The following TRABD2B variants were observed in gnomAD, a reference collection of about 807,000 sequenced individuals.
The protein encoded by TRABD2B is TraB domain containing 2B.
TRABD2B carries 14 observed loss-of-function variants against 40.1 expected under a neutral mutation model. That is an observed-to-expected ratio of 0.35 (90% CI 0.23 to 0.55). The LOEUF is 0.55. TRABD2B is among the 20% of genes least tolerant of loss of function. TRABD2B has a pLI of 0.90. For missense variants in TRABD2B, 541 were observed against 648.6 expected (o/e 0.83, Z 1.80); for synonymous variants, 263 against 277.0 (o/e 0.95, Z 0.50).
At chr1:47,794,127 T>C (rs562266913) in intron 4 of TRABD2B, among the ~76,000 whole-genome samples, 2 of 152,328 alleles carry the variant, frequency 1.3e-5, no homozygotes, top group South Asian at 2.1e-4. Context: ...TAAGAAAGAA[T>C]TGAGTCTTTG....
intron 2 of TRABD2B, among the ~76,000 whole-genome samples, chr1:47,950,530 T>C (rs1645327364): frequency 6.6e-6 from 1 of 151,852 alleles, no homozygotes; most frequent in Admixed American, 6.6e-5. Context: ...ACAAGGGAGA[T>C]GATGAAGCTG....
Position 47,997,078 on chromosome 1 carries a change from C to T in TRABD2B, c.-289G>A. ...CTGAGGGCGTGTTGGGGTCCGGGGG[C>T]GCGCGGGGTCCCGGAGCTGCGTCGC... On this transcript the variant is annotated 5_prime_UTR_variant, in exon 1 of 7. Transcript: ENST00000606738. 1.0e-6 allele frequency: 1 copy of T among 983,970 alleles called. No individual in the cohort carries two copies. Among genetic ancestry groups the T allele is most frequent in the Non-Finnish European group, 1.2e-6 (1 of 829,216 alleles). The allele number at this position is 983,970 out of a possible 1,614,324, so 61.0% of individuals were successfully genotyped here. A position where few individuals can be genotyped will look rare whatever the true frequency, so the allele number is the denominator to read the frequency against.
chr1:47,850,726 T>A (rs538319609), intron 2 of TRABD2B, among the ~76,000 whole-genome samples: 1 of 152,250 alleles, frequency 6.6e-6, no homozygotes, highest in Non-Finnish European at 1.5e-5. Flanking sequence ...AATGAATGAA[T>A]CCTGCAGGTG....
At chr1:47,824,561 A>G (rs904302276) in intron 2 of TRABD2B, among the ~76,000 whole-genome samples, 1 of 152,024 alleles carries the variant, frequency 6.6e-6, no homozygotes, top group Non-Finnish European at 1.5e-5. Context: ...TGGCACTCAA[A>G]CCCATGTCTG....
At chr1:47,791,984 G>A (rs914501354) in intron 4 of TRABD2B, among the ~76,000 whole-genome samples, 1 of 152,226 alleles carries the variant, frequency 6.6e-6, no homozygotes, top group African/African-American at 2.4e-5. Flanking sequence ...CAGCCAGGAT[G>A]AGGTGGGCAG....
At chr1:47,794,900 C>T in intron 3 of TRABD2B, 140 bp from the exon 4 acceptor site, 3 of 754,146 alleles carry the variant, frequency 4.0e-6, no homozygotes, top group Non-Finnish European at 6.1e-6. Context: ...CCTGCCTCAG[C>T]CTCCCAAATA....
Position 47,813,368 on chromosome 1 carries a change from G to A in TRABD2B, c.667-11749C>T, listed in dbSNP as rs909245349. ...CTCCAGGTGGCCAGGGATGGAAGGA[G>A]AGGAGTTGAGTCTGGGAGTGCTCAA... On this transcript the variant is annotated intron_variant, in intron 2 of 6. Coordinates refer to ENST00000606738, the MANE Select transcript of TRABD2B (RefSeq NM_001194986.2). The surrounding 1 kb of genome is among the most constrained non-coding windows in gnomAD (Gnocchi z 4.3). Among the ~76,000 whole-genome samples the A allele has an allele frequency of 6.6e-6, 1 of 152,286 alleles. No individual in the cohort carries two copies. Among genetic ancestry groups the A allele is most frequent in the East Asian group, 1.9e-4 (1 of 5,172 alleles).
chr1:47,807,109 T>C (rs2124321247), intron 2 of TRABD2B, among the ~76,000 whole-genome samples: 1 of 152,298 alleles, frequency 6.6e-6, no homozygotes, highest in Non-Finnish European at 1.5e-5. Context: ...CATAAATTAT[T>C]AGTAAAAATA....
At chr1:47,877,197 GCA>G (rs904555263) in intron 2 of TRABD2B, among the ~76,000 whole-genome samples, 2 of 151,508 alleles carry the variant, frequency 1.3e-5, no homozygotes, top group Non-Finnish European at 2.9e-5. Flanking sequence ...GTATATTTTG[GCA>G]ATGGGGCTGG....
chr1:47,960,764 A>G (rs945265220), intron 2 of TRABD2B, among the ~76,000 whole-genome samples: 1 of 152,214 alleles, frequency 6.6e-6, no homozygotes, highest in African/African-American at 2.4e-5. Context: ...AAGAATCAAT[A>G]TCGTGAAAAT....
chr1:47,973,797 A>G (rs1645715781), intron 2 of TRABD2B, among the ~76,000 whole-genome samples: 1 of 152,182 alleles, frequency 6.6e-6, no homozygotes, highest in Admixed American at 6.5e-5. Context: ...CAGGCAAAGC[A>G]ATGTTACATT....
At chr1:47,930,365 C>G (rs1645024046) in intron 2 of TRABD2B, among the ~76,000 whole-genome samples, 1 of 152,240 alleles carries the variant, frequency 6.6e-6, no homozygotes. Flanking sequence ...CTCTGGGCAT[C>G]TGGATCTGGA....
chr1:47,977,531 T>G (rs1194152118), intron 2 of TRABD2B, among the ~76,000 whole-genome samples: 1 of 152,104 alleles, frequency 6.6e-6, no homozygotes, highest in Non-Finnish European at 1.5e-5. Flanking sequence ...AGATAGGTAT[T>G]CTTATCTCCA....
At chr1:47,963,001 T>C (rs764601784) in intron 2 of TRABD2B, among the ~76,000 whole-genome samples, 13 of 152,242 alleles carry the variant, frequency 8.5e-5, no homozygotes, top group African/African-American at 1.2e-4. Flanking sequence ...TGAGTTGGAA[T>C]TGAAGCTCTA....
intron 5 of TRABD2B, among the ~76,000 whole-genome samples, chr1:47,777,753 T>C (rs915852045): frequency 6.6e-6 from 1 of 152,130 alleles, no homozygotes; most frequent in African/African-American, 2.4e-5. Flanking sequence ...AGTCTGAGGA[T>C]CCTGTCACTG....
intron 2 of TRABD2B, among the ~76,000 whole-genome samples, chr1:47,903,761 T>C (rs1460900332): frequency 6.6e-6 from 1 of 152,168 alleles, no homozygotes; most frequent in Admixed American, 6.5e-5. Context: ...TGCCTCTCAT[T>C]ACCATAAATG....
In TRABD2B at chr1:47,761,534, T is replaced by C. The variant is rs1644244059; in HGVS notation, c.*4368A>G. 6.6e-6 allele frequency: 1 copy of C among 152,236 alleles called. No homozygotes were observed. The highest frequency in any genetic ancestry group is 2.4e-5 in the African/African-American group (1 of 41,472). 9.4% of individuals were successfully genotyped at this position (152,236 alleles called of 1,614,324 possible). ...GGGAGGCTGGACTTATTCCTGAACC[T>C]TACTGGTTTAGACAGCCAGCGGGGT... is the stretch of plus-strand genomic sequence containing the variant. On this transcript the variant is annotated 3_prime_UTR_variant, in exon 7 of 7. Transcript: ENST00000606738.
At chr1:47,936,777 C>T (rs1417721125) in intron 2 of TRABD2B, among the ~76,000 whole-genome samples, 1 of 152,174 alleles carries the variant, frequency 6.6e-6, no homozygotes, top group African/African-American at 2.4e-5. Flanking sequence ...GATAACAGTA[C>T]CTGCCACATT....
chr1:47,989,588 C>A (rs1645970337), intron 2 of TRABD2B, among the ~76,000 whole-genome samples: 1 of 152,150 alleles, frequency 6.6e-6, no homozygotes, highest in Admixed American at 6.6e-5. Flanking sequence ...AAGTTTGGGA[C>A]ATATTCCCTG....
Sources: gnomAD v4.1 joint callset for allele counts (sites outside exome capture counted in the v4.1 genomes callset) on GRCh38, gnomAD v4.1.1 for gene constraint, Gnocchi (gnomAD v3.1) non-coding constraint, MANE v1.5 for transcripts, NCBI Gene and HGNC (gene_info 2026-07-23, HGNC 2026-07-21) for gene names.